Variants in CEP128 observed in about 807,000 individuals in gnomAD.
The protein encoded by CEP128 is centrosomal protein 128kDa.
Under a neutral mutation model 156.7 loss-of-function variants are expected in CEP128, and 132 were observed. The observed-to-expected ratio is 0.84, with a 90% CI of 0.73 to 0.97. The LOEUF is 0.97. Among genes scored for constraint, CEP128 ranks in the 50% least tolerant of loss-of-function variants. The probability of loss-of-function intolerance (pLI) is 0.00; values close to 1 mark genes in which losing one functional copy is unlikely to be tolerated. For synonymous variants in CEP128, 469 were observed against 448.9 expected (o/e 1.04, Z -0.57); for missense variants, 1,252 against 1,281.9 (o/e 0.98, Z 0.36).
chr14:80,854,362 A>G (rs1359464465), intron 9 of CEP128, among the ~76,000 whole-genome samples: 1 of 152,216 alleles, frequency 6.6e-6, no homozygotes, highest in Non-Finnish European at 1.5e-5. Context: ...GGCAAAAAAA[A>G]GGAAAAAACA....
chr14:80,869,062 A>T (rs764447661), intron 8 of CEP128, among the ~76,000 whole-genome samples: 1 of 152,118 alleles, frequency 6.6e-6, no homozygotes, highest in Non-Finnish European at 1.5e-5. Context: ...GACAATGGAC[A>T]TATCATCCAG....
intron 19 of CEP128, among the ~76,000 whole-genome samples, chr14:80,631,181 A>G (rs555265693): frequency 2.3e-4 from 35 of 152,146 alleles, no homozygotes; most frequent in Non-Finnish European, 3.7e-4. Context: ...CACCATCTCC[A>G]TTGAGAATCT....
chr14:80,797,541 G>C (rs1209751449), intron 13 of CEP128, among the ~76,000 whole-genome samples: 2 of 152,100 alleles, frequency 1.3e-5, no homozygotes, highest in African/African-American at 4.8e-5. Flanking sequence ...ATTCATCATA[G>C]AGGTCCTTCC....
chr14:80,700,556 T>C lies in CEP128; in HGVS notation c.2806+42519A>G, dbSNP rs1251170745. ...CAAAAAAGCCATATTTCAGAGACCA[T>C]ATATGTTATGCTTAAATATTTTTAA... On this transcript the variant is annotated intron_variant, in intron 19 of 24. Coordinates refer to ENST00000555265, the MANE Select transcript of CEP128 (RefSeq NM_152446.5). 2.0e-5 allele frequency among the ~76,000 whole-genome samples: 3 copies of C among 151,888 alleles called. No individual in the cohort carries two copies. In the East Asian group the frequency reaches 5.8e-4, roughly 29 times the overall value.
chr14:80,945,256 A>G (rs1425799648), upstream of CEP128, among the ~76,000 whole-genome samples: 1 of 152,102 alleles, frequency 6.6e-6, no homozygotes, highest in East Asian at 1.9e-4. Context: ...CTCTTCTTGT[A>G]ACGACACCCG....
chr14:80,802,704 C>T (rs958902884), intron 13 of CEP128, among the ~76,000 whole-genome samples: 1 of 151,826 alleles, frequency 6.6e-6, no homozygotes, highest in African/African-American at 2.4e-5. Context: ...AAAGTAAGGT[C>T]AGAAATTGAC....
At chr14:80,913,668 G>A (rs1269443911) in intron 4 of CEP128, among the ~76,000 whole-genome samples, 1 of 151,990 alleles carries the variant, frequency 6.6e-6, no homozygotes, top group African/African-American at 2.4e-5. Flanking sequence ...TGGAGACTCA[G>A]AAGGGACGCA....
chr14:80,550,115 C>G (rs187102573), intron 21 of CEP128, among the ~76,000 whole-genome samples: 17 of 152,162 alleles, frequency 1.1e-4, no homozygotes, highest in African/African-American at 3.9e-4. Context: ...TGTAATATTT[C>G]TCAATATAGG....
chr14:80,923,259 T>C (rs978827389), intron 2 of CEP128, among the ~76,000 whole-genome samples: 1 of 152,154 alleles, frequency 6.6e-6, no homozygotes, highest in Non-Finnish European at 1.5e-5. Flanking sequence ...CCACTGAGGA[T>C]CTATCCATCT....
intron 19 of CEP128, among the ~76,000 whole-genome samples, chr14:80,701,881 C>T (rs1328248549): frequency 6.6e-6 from 1 of 152,184 alleles, no homozygotes; most frequent in African/African-American, 2.4e-5. Context: ...ATTGCAGCCA[C>T]GATGCCTTTG....
intron 19 of CEP128, among the ~76,000 whole-genome samples, chr14:80,668,667 T>A (rs946524693): frequency 6.6e-6 from 1 of 152,104 alleles, no homozygotes; most frequent in Non-Finnish European, 1.5e-5. Flanking sequence ...ATTTTAAAAA[T>A]TACAGAAAAT....
intron 2 of CEP128, among the ~76,000 whole-genome samples, chr14:80,929,956 A>T (rs1029225091): frequency 6.6e-6 from 1 of 152,178 alleles, no homozygotes; most frequent in Non-Finnish European, 1.5e-5. Context: ...GGGTGAGCAA[A>T]GTTTCATCTG....
chr14:80,676,270 C>T (rs1316116831), intron 19 of CEP128, among the ~76,000 whole-genome samples: 3 of 152,022 alleles, frequency 2.0e-5, no homozygotes, highest in East Asian at 3.8e-4. Context: ...ACACATTACA[C>T]ATCTTTTGGT....
intron 20 of CEP128, among the ~76,000 whole-genome samples, chr14:80,572,354 A>G (rs887638783): frequency 5.8e-4 from 89 of 152,312 alleles, no homozygotes; most frequent in African/African-American, 1.9e-3. Context: ...ATGTGTTTCA[A>G]CCAGAAAGGT....
chr14:80,599,275 T>TC (rs1892478020), intron 19 of CEP128, among the ~76,000 whole-genome samples: 1 of 139,634 alleles, frequency 7.2e-6, no homozygotes, highest in South Asian at 2.5e-4. Context: ...CTTTTTTTTT[T>TC]TTTTTTTTTT....
chr14:80,639,831 G>A (rs1290292697), intron 19 of CEP128, among the ~76,000 whole-genome samples: 1 of 152,094 alleles, frequency 6.6e-6, no homozygotes, highest in Non-Finnish European at 1.5e-5. Context: ...GGAGTAAGAA[G>A]GTTGACTAGC....
At chr14:80,781,179 G>A (rs73342556) in intron 15 of CEP128, among the ~76,000 whole-genome samples, 8,689 of 152,156 alleles carry the variant, frequency 0.057, 251 homozygotes, top group Non-Finnish European at 0.065. Context: ...TAATGAACGC[G>A]CCAGGCAGTG....
chr14:80,551,781 A>C (rs184762895), intron 21 of CEP128, among the ~76,000 whole-genome samples: 7 of 152,320 alleles, frequency 4.6e-5, no homozygotes, highest in Non-Finnish European at 7.3e-5. Flanking sequence ...TCCCCAATCA[A>C]CAGTATACAT....
chr14:80,795,277 T>G (rs373889410), intron 13 of CEP128, among the ~76,000 whole-genome samples: 27 of 152,296 alleles, frequency 1.8e-4, no homozygotes, highest in Middle Eastern at 3.4e-3. Flanking sequence ...CTCCACCCTC[T>G]TCCCATAACT....
Sources: gnomAD v4.1 joint callset for allele counts (sites outside exome capture counted in the v4.1 genomes callset) on GRCh38, gnomAD v4.1.1 for gene constraint, MANE v1.5 for transcripts, NCBI Gene and HGNC (gene_info 2026-07-23, HGNC 2026-07-21) for gene names.